Variants in CTCF observed in about 807,000 individuals in gnomAD.
The protein encoded by CTCF is transcriptional repressor CTCF.
Under a neutral mutation model 72.3 loss-of-function variants are expected in CTCF, and 7 were observed. The observed-to-expected ratio is 0.10, with a 90% CI of 0.06 to 0.18. CTCF has a LOEUF of 0.18. Ranked by LOEUF, CTCF falls within the 10% of genes least tolerant of loss-of-function variation. The pLI is 1.00. For missense variants in CTCF, 516 were observed against 949.1 expected (o/e 0.54, Z 6.00); for synonymous variants, 374 against 315.8 (o/e 1.18, Z -1.95).
In CTCF at chr16:67,599,178, C is replaced by T. The variant is rs955883395; in HGVS notation, c.-9-11646C>T. Among the ~76,000 whole-genome samples the T allele has an allele frequency of 3.9e-5, 6 of 152,236 alleles. No individual in the cohort carries two copies. In the East Asian group the frequency reaches 5.8e-4, roughly 15 times the overall value. ...TTGGGAGGCCGAGGCTGGTGGATCACGAGGTCAGGAGATCGAGACCATCCT... is the reference window on the plus strand; with the variant it reads ...TTGGGAGGCCGAGGCTGGTGGATCATGAGGTCAGGAGATCGAGACCATCCT... On this transcript the variant is annotated intron_variant, in intron 2 of 11. Coordinates refer to ENST00000264010, the MANE Select transcript of CTCF (RefSeq NM_006565.4).
intron 1 of CTCF, among the ~76,000 whole-genome samples, chr16:67,566,536 A>G (rs951671318): frequency 4.0e-5 from 6 of 150,892 alleles, no homozygotes; most frequent in Non-Finnish European, 7.4e-5. Flanking sequence ...AAAAAAAAAA[A>G]AAAAGATTAG....
chr16:67,589,814 C>T (rs763538072), intron 2 of CTCF, among the ~76,000 whole-genome samples: 4 of 152,140 alleles, frequency 2.6e-5, no homozygotes, highest in South Asian at 2.1e-4. Flanking sequence ...AGCCTGGACG[C>T]GGTGGCTCAC....
chr16:67,631,177 T>TTTTTTTTTTTTTTTTTTTTTTTTTTTTG (rs1567617482), intron 10 of CTCF, among the ~76,000 whole-genome samples: 1 of 148,522 alleles, frequency 6.7e-6, no homozygotes, highest in African/African-American at 2.5e-5. Context: ...TTTTTGTTTT[T>TTTTTTTTTTTTTTTTTTTTTTTTTTTTG]TTTTTGAGAC....
chr16:67,619,489 T>C (rs1567612025), intron 5 of CTCF, among the ~76,000 whole-genome samples: 2 of 152,196 alleles, frequency 1.3e-5, no homozygotes, highest in African/African-American at 2.4e-5. Context: ...TTTTTTTGTT[T>C]TTTGTTTGTT....
intron 8 of CTCF, 180 bp downstream of exon 8, chr16:67,626,895 A>T (rs1381980212): frequency 2.4e-6 from 1 of 412,676 alleles, no homozygotes. Flanking sequence ...CGGTGTCCAG[A>T]TGATGTTTTA....
chr16:67,592,657 A>T (rs1314128225), intron 2 of CTCF, among the ~76,000 whole-genome samples: 2 of 152,274 alleles, frequency 1.3e-5, no homozygotes, highest in Middle Eastern at 3.4e-3. Context: ...GTGAGCCAAG[A>T]TCGTGCCACT....
chr16:67,589,579 C>G (rs536298872), intron 2 of CTCF, among the ~76,000 whole-genome samples: 1 of 152,114 alleles, frequency 6.6e-6, no homozygotes, highest in Admixed American at 6.6e-5. Context: ...ACTCATCACA[C>G]TATATAGCTG....
chr16:67,613,542 TG>T (rs1011410622), intron 4 of CTCF, among the ~76,000 whole-genome samples: 2 of 152,098 alleles, frequency 1.3e-5, no homozygotes, highest in Non-Finnish European at 1.5e-5. Flanking sequence ...GGAAATCCAA[TG>T]GGGGGTAGAT....
At chr16:67,630,094 G>A (rs1250095075) in intron 10 of CTCF, among the ~76,000 whole-genome samples, 1 of 151,698 alleles carries the variant, frequency 6.6e-6, no homozygotes, top group African/African-American at 2.4e-5. Context: ...TGCCTTATAC[G>A]TAATCTTGAG....
chr16:67,587,898 C>T (rs1214311823), intron 2 of CTCF, among the ~76,000 whole-genome samples: 1 of 152,026 alleles, frequency 6.6e-6, no homozygotes, highest in East Asian at 1.9e-4. Flanking sequence ...GACAGAGTCA[C>T]CCAGGCTGGG....
At chr16:67,579,993 A>G (rs1262133058) in intron 2 of CTCF, among the ~76,000 whole-genome samples, 5 of 152,118 alleles carry the variant, frequency 3.3e-5, no homozygotes. Flanking sequence ...AGTTTTCAGC[A>G]TGGTGGTTTC....
At chr16:67,636,888 TCTCC>T in intron 11 of CTCF, 37 bp downstream of exon 11, 1 of 1,439,518 alleles carries the variant, frequency 6.9e-7, no homozygotes. Context: ...GCTGGCGTCT[TCTCC>T]GAGCATGTGG....
At chr16:67,623,035 C>T (rs2052225457) in intron 7 of CTCF, among the ~76,000 whole-genome samples, 1 of 151,622 alleles carries the variant, frequency 6.6e-6, no homozygotes, top group African/African-American at 2.4e-5. Context: ...GATCTCTGTT[C>T]ACTGCAACCT....
chr16:67,616,299 CTATATT>C (rs1312639906), intron 4 of CTCF: 1 of 157,700 alleles, frequency 6.3e-6, no homozygotes, highest in Non-Finnish European at 1.4e-5. Flanking sequence ...CCCAATGGCC[CTATATT>C]TATAGTCATA....
intron 2 of CTCF, among the ~76,000 whole-genome samples, chr16:67,600,571 G>C (rs909107925): frequency 1.3e-5 from 2 of 152,096 alleles, no homozygotes; most frequent in South Asian, 4.2e-4. Flanking sequence ...TAGAGATGGG[G>C]TCTCCCCATG....
At chr16:67,634,315 C>T (rs1163291966) in intron 10 of CTCF, among the ~76,000 whole-genome samples, 1 of 151,848 alleles carries the variant, frequency 6.6e-6, no homozygotes, top group Non-Finnish European at 1.5e-5. Context: ...TCAAGTGATT[C>T]TCATACCTCA....
chr16:67,601,637 C>G (rs2051893581), intron 2 of CTCF, among the ~76,000 whole-genome samples: 1 of 152,016 alleles, frequency 6.6e-6, no homozygotes, highest in Non-Finnish European at 1.5e-5. Context: ...TACTTTGTGT[C>G]TGATTTTTCT....
chr16:67,604,964 ATTT>A (rs34873720), intron 2 of CTCF, among the ~76,000 whole-genome samples: 1 of 73,772 alleles, frequency 1.4e-5, no homozygotes, highest in African/African-American at 6.3e-5. Flanking sequence ...TATAAATGGG[ATTT>A]TTTTTTTTTT....
At chr16:67,575,924 T>G (rs1460014754) in intron 2 of CTCF, among the ~76,000 whole-genome samples, 1 of 148,258 alleles carries the variant, frequency 6.7e-6, no homozygotes, top group Non-Finnish European at 1.5e-5. Context: ...TTGCAAGGGA[T>G]ATAAAACCCT....
Sources: gnomAD v4.1 joint callset for allele counts (sites outside exome capture counted in the v4.1 genomes callset) on GRCh38, gnomAD v4.1.1 for gene constraint, MANE v1.5 for transcripts, NCBI Gene and HGNC (gene_info 2026-07-23, HGNC 2026-07-21) for gene names.